The following CEP112 variants were observed in gnomAD, a reference collection of about 807,000 sequenced individuals.
CEP112 encodes the protein centrosomal protein of 112 kDa.
Under a neutral mutation model 153.0 loss-of-function variants are expected in CEP112, and 127 were observed. The ratio of observed to expected loss-of-function variants is 0.83; its 90% CI spans 0.72 to 0.96. The LOEUF (loss-of-function observed/expected upper bound fraction) is 0.96, where lower values mean the gene tolerates loss of function less well. CEP112 is among the 40% of genes least tolerant of loss of function. CEP112 has a pLI of 0.00. For missense variants in CEP112, 1,089 were observed against 1,101.2 expected (o/e 0.99, Z 0.16); for synonymous variants, 358 against 374.4 (o/e 0.96, Z 0.51).
rs754528377 is a variant in CEP112 at position 65,689,139 on chromosome 17, G to T, written c.2687C>A (p.Ser896Ter). ...EKKLQHKELESQEQITYIRQE... is the reference protein window; with the variant it reads ...EKKLQHKELE Reference sequence around the variant, plus strand: ...TAAAGGAGAGGGTACCTGTTCCTGTGACTCCAATTCTTTGTGTTGTAATTT... The same window carrying T: ...TAAAGGAGAGGGTACCTGTTCCTGTTACTCCAATTCTTTGTGTTGTAATTT... Residue 896 changes from serine to a stop codon, truncating the protein, a stop_gained, in exon 24 of 27, where the codon TCA becomes TAA. Transcript: ENST00000535342. LOFTEE classifies it high-confidence loss of function. The T allele has an allele frequency of 3.7e-6, 6 of 1,608,990 alleles. No homozygotes were observed. The highest frequency in any genetic ancestry group is 5.1e-6 in the Non-Finnish European group (6 of 1,175,566).
chr17:65,828,323 T>C (rs139965442), intron 21 of CEP112, among the ~76,000 whole-genome samples: 39 of 152,312 alleles, frequency 2.6e-4, no homozygotes, highest in Admixed American at 7.8e-4. Flanking sequence ...TCCAGTAAAA[T>C]GTCAGAATGA....
intron 18 of CEP112, among the ~76,000 whole-genome samples, chr17:65,942,767 C>A (rs2144506943): frequency 6.6e-6 from 1 of 152,232 alleles, no homozygotes; most frequent in East Asian, 1.9e-4. Context: ...GGTTCTATTA[C>A]TAATAAAGTA....
intron 11 of CEP112, among the ~76,000 whole-genome samples, chr17:66,057,797 AG>A (rs1327024914): frequency 5.7e-4 from 76 of 132,190 alleles, no homozygotes; most frequent in African/African-American, 2.2e-3. Context: ...ACACACACAC[AG>A]CCTTCAGTGA....
intron 8 of CEP112, among the ~76,000 whole-genome samples, chr17:66,074,334 CTT>C (rs1193129960): frequency 1.3e-5 from 2 of 152,036 alleles, no homozygotes; most frequent in Admixed American, 1.3e-4. Flanking sequence ...ATCAATAACA[CTT>C]TGGAAACTGT....
rs1024057679 is a variant in CEP112 at position 65,901,919 on chromosome 17, C to T, written c.2163+233G>A. ...TAAAAAAGGGGGCCAAGTTATAGCG[C>T]GCCATGGGATTTTTAATCTGGCTAC... On this transcript the variant is annotated intron_variant, in intron 20 of 26. Transcript: ENST00000535342. 2.2e-4 allele frequency among the ~76,000 whole-genome samples: 28 copies of T among 125,322 alleles called. No individual in the cohort carries two copies. The East Asian group carries it at 2.6e-3, about 12-fold the overall frequency. The allele number at this position is 125,322 out of a possible 152,430, so 82.2% of individuals were successfully genotyped here. A position where few individuals can be genotyped will look rare whatever the true frequency, so the allele number is the denominator to read the frequency against.
chr17:65,713,626 G>A (rs1016066823), intron 23 of CEP112, among the ~76,000 whole-genome samples: 3 of 151,828 alleles, frequency 2.0e-5, no homozygotes, highest in Admixed American at 1.3e-4. Flanking sequence ...TCGCTCTGTC[G>A]CCCAGGATGG....
At chr17:65,960,774 C>T (rs892118183) in intron 18 of CEP112, among the ~76,000 whole-genome samples, 2 of 152,042 alleles carry the variant, frequency 1.3e-5, no homozygotes, top group African/African-American at 4.8e-5. Context: ...CCCACAGATA[C>T]AAAAACACAT....
At chr17:66,103,005 C>G (rs1015917199) in intron 6 of CEP112, among the ~76,000 whole-genome samples, 1 of 151,912 alleles carries the variant, frequency 6.6e-6, no homozygotes, top group Admixed American at 6.6e-5. Context: ...GGGCAGATCA[C>G]CTGAGGTCAG....
At chr17:65,979,784 T>C (rs2063163476) in intron 17 of CEP112, among the ~76,000 whole-genome samples, 1 of 152,094 alleles carries the variant, frequency 6.6e-6, no homozygotes, top group Admixed American at 6.6e-5. Context: ...TAATATATAA[T>C]AAACATATAG....
At chr17:65,824,277 T>C (rs1190763065) in intron 21 of CEP112, among the ~76,000 whole-genome samples, 5 of 152,212 alleles carry the variant, frequency 3.3e-5, no homozygotes, top group African/African-American at 7.2e-5. Context: ...GAATCTCTAA[T>C]GCATTATGCA....
intron 20 of CEP112, among the ~76,000 whole-genome samples, chr17:65,901,388 A>G (rs977627177): frequency 6.6e-6 from 1 of 152,180 alleles, no homozygotes; most frequent in Non-Finnish European, 1.5e-5. Context: ...AGGATACACT[A>G]AAGGCCCTTG....
At chr17:66,144,583 C>T (rs1209147280) in intron 4 of CEP112, among the ~76,000 whole-genome samples, 2 of 152,176 alleles carry the variant, frequency 1.3e-5, no homozygotes, top group African/African-American at 2.4e-5. Context: ...GTCTCAGCTA[C>T]TCCAGAGGCT....
rs78137624 is a variant in CEP112, at chr17:65,659,424, G to A, written c.2698-18359C>T. On this transcript the variant is annotated intron_variant, in intron 24 of 26. Transcript: ENST00000535342. The stretch of plus-strand genomic sequence containing the variant: ...TATCTCCTTATGTTTGAGAAGGCAT[G>A]TCTTGCCAGATATGGTATTCTATAC... Among the ~76,000 whole-genome samples, 48 of 152,298 alleles carry A rather than the reference G, an allele frequency of 3.2e-4. 3 individuals carry two copies. In the East Asian group the frequency reaches 8.1e-3, roughly 26 times the overall value.
intron 23 of CEP112, among the ~76,000 whole-genome samples, chr17:65,729,482 A>G (rs1346206119): frequency 1.3e-5 from 2 of 152,154 alleles, no homozygotes; most frequent in African/African-American, 2.4e-5. Flanking sequence ...TTGATCATTC[A>G]GTAATTTTGG....
chr17:65,639,521 C>G (rs2143266187), intron 25 of CEP112, among the ~76,000 whole-genome samples: 1 of 151,818 alleles, frequency 6.6e-6, no homozygotes, highest in Middle Eastern at 3.4e-3. Flanking sequence ...ACAAACAAAC[C>G]CCCGTTTCTA....
chr17:65,974,600 C>A (rs144984176), intron 17 of CEP112, among the ~76,000 whole-genome samples: 1 of 152,166 alleles, frequency 6.6e-6, no homozygotes, highest in African/African-American at 2.4e-5. Flanking sequence ...TTGGGAACAA[C>A]CTGTATACCC....
chr17:66,146,596 A>C (rs535994339), intron 4 of CEP112, among the ~76,000 whole-genome samples: 1 of 152,226 alleles, frequency 6.6e-6, no homozygotes, highest in Admixed American at 6.5e-5. Flanking sequence ...ATTGTTGTGC[A>C]ATAATCTCCA....
At chr17:65,828,122 C>G (rs567428820) in intron 21 of CEP112, among the ~76,000 whole-genome samples, 1 of 152,326 alleles carries the variant, frequency 6.6e-6, no homozygotes, top group Non-Finnish European at 1.5e-5. Flanking sequence ...CTGCTATATC[C>G]TAAGTGCCTA....
intron 21 of CEP112, among the ~76,000 whole-genome samples, chr17:65,834,087 A>G (rs2057202262): frequency 6.6e-6 from 1 of 152,180 alleles, no homozygotes; most frequent in African/African-American, 2.4e-5. Flanking sequence ...GATGACAAAA[A>G]TAAGCAACAG....
Sources: gnomAD v4.1 joint callset for allele counts (sites outside exome capture counted in the v4.1 genomes callset) on GRCh38, gnomAD v4.1.1 for gene constraint, MANE v1.5 for transcripts, NCBI Gene and HGNC (gene_info 2026-07-23, HGNC 2026-07-21) for gene names.